The following MARCHF1 variants were observed in gnomAD, a reference collection of about 807,000 sequenced individuals.
MARCHF1 encodes the protein E3 ubiquitin-protein ligase MARCHF1.
MARCHF1 carries 40 observed loss-of-function variants against 54.2 expected under a neutral mutation model. The observed-to-expected ratio is 0.74, with a 90% confidence interval of 0.57 to 0.96. MARCHF1 has a LOEUF of 0.96. Among genes scored for constraint, MARCHF1 ranks in the 40% least tolerant of loss-of-function variants. The probability of loss-of-function intolerance (pLI) is 0.00; values close to 1 mark genes in which losing one functional copy is unlikely to be tolerated. For missense variants in MARCHF1, 586 were observed against 656.5 expected, an observed-to-expected ratio of 0.89 and a Z score of 1.17; for synonymous variants, 236 against 236.3, an observed-to-expected ratio of 1.00 and a Z score of 0.01.
intron 4 of MARCHF1, among the ~76,000 whole-genome samples, chr4:163,742,669 G>C (rs1045152537): frequency 6.6e-6 from 1 of 151,706 alleles, no homozygotes; most frequent in Non-Finnish European, 1.5e-5. Context: ...GTAGAGACAG[G>C]GTCTCATTAT....
intron 1 of MARCHF1, among the ~76,000 whole-genome samples, chr4:164,256,345 G>T (rs1246573409): frequency 6.7e-6 from 1 of 149,326 alleles, no homozygotes; most frequent in South Asian, 2.1e-4. Context: ...CCAAAGTGGT[G>T]CTCAGAATAA....
chr4:163,745,785 A>G (rs1263569453), intron 4 of MARCHF1, among the ~76,000 whole-genome samples: 1 of 152,120 alleles, frequency 6.6e-6, no homozygotes, highest in East Asian at 1.9e-4. Flanking sequence ...TTCACCTTAC[A>G]GAAGCTGGGT....
At chr4:164,127,505 T>C (rs764258482) in intron 1 of MARCHF1, among the ~76,000 whole-genome samples, 4 of 152,260 alleles carry the variant, frequency 2.6e-5, no homozygotes, top group Non-Finnish European at 4.4e-5. Flanking sequence ...TATTTCCAGA[T>C]GATAAAATGT....
chr4:163,960,669 G>C (rs1386452361), intron 3 of MARCHF1, among the ~76,000 whole-genome samples: 2 of 151,890 alleles, frequency 1.3e-5, no homozygotes, highest in Non-Finnish European at 1.5e-5. Flanking sequence ...TGGAGGGTGG[G>C]AGGAGGGAGA....
chr4:164,240,786 T>C (rs1029870012), intron 1 of MARCHF1, among the ~76,000 whole-genome samples: 2 of 152,094 alleles, frequency 1.3e-5, no homozygotes, highest in Non-Finnish European at 2.9e-5. Flanking sequence ...TGATAGTAGC[T>C]ATCATGACAT....
chr4:163,648,612 T>TAAA (rs34542365), intron 5 of MARCHF1, among the ~76,000 whole-genome samples: 14 of 105,296 alleles, frequency 1.3e-4, no homozygotes, highest in Admixed American at 2.9e-4. Flanking sequence ...GCCCATGAGC[T>TAAA]AAAAAAAAAA....
intron 3 of MARCHF1, among the ~76,000 whole-genome samples, chr4:163,913,862 G>T (rs971153542): frequency 6.6e-6 from 1 of 152,156 alleles, no homozygotes; most frequent in Non-Finnish European, 1.5e-5. Flanking sequence ...AATGTTCATT[G>T]ATCAGACTCT....
At chr4:164,318,520 G>C (rs1735059601) in intron 1 of MARCHF1, among the ~76,000 whole-genome samples, 1 of 152,202 alleles carries the variant, frequency 6.6e-6, no homozygotes, top group African/African-American at 2.4e-5. Flanking sequence ...TACAAAGAGA[G>C]AGAAAACATT....
At chr4:163,795,587 T>C (rs1419856438) in intron 4 of MARCHF1, among the ~76,000 whole-genome samples, 3 of 152,260 alleles carry the variant, frequency 2.0e-5, no homozygotes, top group Non-Finnish European at 4.4e-5. Flanking sequence ...TTTGTTACAG[T>C]GTTCATACTT....
At chr4:163,694,213 G>A (rs554713338) in intron 5 of MARCHF1, among the ~76,000 whole-genome samples, 2 of 151,638 alleles carry the variant, frequency 1.3e-5, no homozygotes, top group South Asian at 4.2e-4. Context: ...AAGGATGGAC[G>A]ACAGCAGGTG....
chr4:164,253,360 A>G (rs187363066), intron 1 of MARCHF1, among the ~76,000 whole-genome samples: 100 of 152,300 alleles, frequency 6.6e-4, no homozygotes, highest in African/African-American at 2.2e-3. Context: ...AAGTAAAACT[A>G]TATTCCACTG....
At chr4:164,122,402 G>T (rs762504545) in intron 1 of MARCHF1, among the ~76,000 whole-genome samples, 3 of 152,046 alleles carry the variant, frequency 2.0e-5, no homozygotes, top group Non-Finnish European at 4.4e-5. Context: ...CAAGATGGCG[G>T]CTCCATCTTT....
chr4:164,274,659 CTTT>C (rs70952617), intron 1 of MARCHF1, among the ~76,000 whole-genome samples: 674 of 44,626 alleles, frequency 0.015, 129 homozygotes, highest in African/African-American at 0.02. Context: ...TCAGGGTACA[CTTT>C]TTTTTTTTTT....
chr4:163,979,019 CTTTTT>C (rs60452636), intron 3 of MARCHF1, among the ~76,000 whole-genome samples: 1 of 129,108 alleles, frequency 7.7e-6, no homozygotes, highest in African/African-American at 2.8e-5. Context: ...CCCTTTAATT[CTTTTT>C]TTTTTTTTTT....
intron 1 of MARCHF1, among the ~76,000 whole-genome samples, chr4:164,369,966 T>C (rs191172688): frequency 7.2e-4 from 109 of 152,344 alleles, no homozygotes; most frequent in African/African-American, 2.4e-3. Flanking sequence ...ATATTATTCA[T>C]TATTACAACA....
At chr4:163,693,557 GCTCTCTGTCAAAT>G (rs1406498383) in intron 5 of MARCHF1, among the ~76,000 whole-genome samples, 1 of 151,284 alleles carries the variant, frequency 6.6e-6, no homozygotes, top group Non-Finnish European at 1.5e-5. Flanking sequence ...TGCAATGTGG[GCTCTCTGTCAAAT>G]CTGAATGGAG....
chr4:163,908,373 AAG>A (rs756967846), intron 3 of MARCHF1, among the ~76,000 whole-genome samples: 3 of 152,138 alleles, frequency 2.0e-5, no homozygotes, highest in African/African-American at 4.8e-5. Context: ...AGAGGAGAAA[AAG>A]AGAGAAGATT....
chr4:163,670,617 C>T (rs1418216748), intron 5 of MARCHF1, among the ~76,000 whole-genome samples: 2 of 150,228 alleles, frequency 1.3e-5, no homozygotes, highest in Admixed American at 6.6e-5. Flanking sequence ...ATTTTTTGGT[C>T]TCAGTTTATT....
intron 1 of MARCHF1, among the ~76,000 whole-genome samples, chr4:164,306,508 C>A (rs1407571315): frequency 1.3e-5 from 2 of 152,086 alleles, no homozygotes; most frequent in Non-Finnish European, 2.9e-5. Flanking sequence ...TTCCTCACTG[C>A]AGTAAAACGA....
Sources: gnomAD v4.1 joint callset for allele counts (sites outside exome capture counted in the v4.1 genomes callset) on GRCh38, gnomAD v4.1.1 for gene constraint, MANE v1.5 for transcripts, NCBI Gene and HGNC (gene_info 2026-07-23, HGNC 2026-07-21) for gene names.